Variants in LRRC2 observed in about 807,000 individuals in gnomAD.
LRRC2 encodes leucine rich repeat containing 2, also known as leucine-rich repeat-containing protein 2.
LRRC2 carries 27 observed loss-of-function variants against 40.2 expected under a neutral mutation model. The observed-to-expected ratio is 0.67, with a 90% CI of 0.49 to 0.93. The LOEUF (loss-of-function observed/expected upper bound fraction) is 0.93. LRRC2 is among the 40% of genes least tolerant of loss of function. The probability of loss-of-function intolerance (pLI) is 0.00; values close to 1 mark genes in which losing one functional copy is unlikely to be tolerated. For missense variants in LRRC2, 402 were observed against 439.6 expected (o/e 0.91, Z 0.76); for synonymous variants, 147 against 158.9 (o/e 0.92, Z 0.56).
Position 46,532,869 on chromosome 3 carries a change from G to C in LRRC2, c.531C>G (p.Asn177Lys). The C allele has an allele frequency of 6.2e-7, 1 of 1,613,978 alleles. No individual in the cohort carries two copies. The highest frequency in any genetic ancestry group is 8.5e-7 in the Non-Finnish European group (1 of 1,179,898). The part of the protein sequence containing the change: ...KNLKELNVGF[N>K]YLKSIPPELG... ...ATTCTGGAGGAATGCTCTTCAGATA[G>C]TTGAAACCCACATTGAGTTCTTTCA... The change falls in exon 5 of 9, where the codon AAC (asparagine) becomes AAG (lysine). Residue 177 changes from asparagine to lysine, a missense_variant. Coordinates refer to ENST00000395905, the MANE Select transcript of LRRC2 (RefSeq NM_024512.5).
chr3:46,529,078 C>G (rs1480454356), intron 6 of LRRC2, among the ~76,000 whole-genome samples: 1 of 151,598 alleles, frequency 6.6e-6, no homozygotes, highest in Non-Finnish European at 1.5e-5. Flanking sequence ...GACTGCACTA[C>G]TGCACTCCAG....
At chr3:46,536,770 C>T (rs148768422) in intron 4 of LRRC2, among the ~76,000 whole-genome samples, 1 of 152,288 alleles carries the variant, frequency 6.6e-6, no homozygotes, top group African/African-American at 2.4e-5. Flanking sequence ...TCAAATCAAA[C>T]TGGCTCACAA....
intron 1 of LRRC2, among the ~76,000 whole-genome samples, chr3:46,555,099 A>C (rs56394040): frequency 0.049 from 7,376 of 151,962 alleles, 272 homozygotes; most frequent in South Asian, 0.15. Context: ...TGGTCTTTTT[A>C]TTTATCGTTA....
At chr3:46,531,857 A>G (rs2106996051) in intron 5 of LRRC2, among the ~76,000 whole-genome samples, 1 of 152,252 alleles carries the variant, frequency 6.6e-6, no homozygotes, top group South Asian at 2.1e-4. Flanking sequence ...ACCAGCAATC[A>G]CCATTTTTAG....
At chr3:46,533,009 G>A in intron 4 of LRRC2, 100 bp from the exon 5 acceptor site, 1 of 1,217,466 alleles carries the variant, frequency 8.2e-7, no homozygotes, top group Non-Finnish European at 1.2e-6. Context: ...AAATAATGAT[G>A]GGGAAGGAAC....
intron 8 of LRRC2, among the ~76,000 whole-genome samples, chr3:46,519,430 A>G (rs775001321): frequency 2.2e-4 from 33 of 152,218 alleles, no homozygotes; most frequent in Non-Finnish European, 4.1e-4. Context: ...AGTAGGTGGC[A>G]GAGGGTACCG....
chr3:46,537,686 T>G (rs1474643442), intron 4 of LRRC2, among the ~76,000 whole-genome samples: 1 of 152,212 alleles, frequency 6.6e-6, no homozygotes, highest in Non-Finnish European at 1.5e-5. Context: ...CTTTCTACCT[T>G]TCCAGAAACT....
chr3:46,547,702 GTGTA>G (rs900847147), intron 2 of LRRC2, among the ~76,000 whole-genome samples: 11 of 14,352 alleles, frequency 7.7e-4, no homozygotes, highest in African/African-American at 2.3e-3. Flanking sequence ...ATATGTGTGT[GTGTA>G]TGTGTGTGTG....
intron 7 of LRRC2, among the ~76,000 whole-genome samples, chr3:46,522,015 A>G (rs1449582107): frequency 6.6e-6 from 1 of 152,192 alleles, no homozygotes; most frequent in East Asian, 1.9e-4. Flanking sequence ...AGGGACATCC[A>G]ACTTTAAAAT....
At chr3:46,521,791 C>T (rs1178816142) in intron 7 of LRRC2, 133 bp from the exon 8 acceptor site, 1 of 761,890 alleles carries the variant, frequency 1.3e-6, no homozygotes, top group East Asian at 2.6e-5. Context: ...CACATGATAT[C>T]AGCATCACCA....
Position 46,518,297 on chromosome 3 carries a change from CA to C in LRRC2, c.*716del, listed in dbSNP as rs1233658401. 1 of 151,974 alleles carries C rather than the reference CA, an allele frequency of 6.6e-6. No individual in the cohort carries two copies. The highest frequency in any genetic ancestry group is 1.5e-5 in the Non-Finnish European group (1 of 67,986). 9.4% of individuals were successfully genotyped at this position (151,974 alleles called of 1,614,324 possible). A position where few individuals can be genotyped will look rare whatever the true frequency, so the allele number is the denominator to read the frequency against. On this transcript the variant is annotated 3_prime_UTR_variant, in exon 9 of 9. Transcript: ENST00000395905. The stretch of plus-strand genomic sequence containing the variant: ...AGTAAAAGAAACTCTTTCAAAATAA[CA>C]AAACACTCTCATCTGATTAGTCCAA...
At chr3:46,533,775 TTTTC>T (rs530379114) in intron 4 of LRRC2, among the ~76,000 whole-genome samples, 1,198 of 92,974 alleles carry the variant, frequency 0.013, 9 homozygotes, top group Non-Finnish European at 0.022. Context: ...CCTCCCTCTC[TTTTC>T]TTTCTTTCTT....
chr3:46,534,960 T>C (rs1704244665), intron 4 of LRRC2, among the ~76,000 whole-genome samples: 1 of 152,242 alleles, frequency 6.6e-6, no homozygotes, highest in Non-Finnish European at 1.5e-5. Context: ...CATTTATCCC[T>C]AGTTTGTAAG....
At chr3:46,545,815 T>C (rs1016114885) in intron 2 of LRRC2, among the ~76,000 whole-genome samples, 22 of 152,342 alleles carry the variant, frequency 1.4e-4, no homozygotes, top group African/African-American at 5.3e-4. Context: ...TCCCCCAGCT[T>C]GATGCTAAGC....
At chr3:46,526,001 G>A (rs1704054898) in intron 7 of LRRC2, among the ~76,000 whole-genome samples, 1 of 151,264 alleles carries the variant, frequency 6.6e-6, no homozygotes, top group South Asian at 2.1e-4. Flanking sequence ...TCGCCAGGCT[G>A]TAGTGCAGTG....
At chr3:46,553,842 A>G (rs907235794) in intron 1 of LRRC2, among the ~76,000 whole-genome samples, 1 of 152,336 alleles carries the variant, frequency 6.6e-6, no homozygotes, top group East Asian at 1.9e-4. Flanking sequence ...GCTTGCCAAT[A>G]AGAATGGGAG....
chr3:46,528,410 C>T lies in LRRC2; in HGVS notation c.774-829G>A, dbSNP rs201111355. 3.9e-5 allele frequency among the ~76,000 whole-genome samples: 6 copies of T among 151,996 alleles called. No individual in the cohort carries two copies. The East Asian group carries it at 1.2e-3, about 29-fold the overall frequency. ...CCTCCCAAAGTGCTAGTATTACAGG[C>T]AAGAGCCACTGTGCCCAGCCTCCTC... On this transcript the variant is annotated intron_variant, in intron 6 of 8. Coordinates refer to ENST00000395905, the MANE Select transcript of LRRC2 (RefSeq NM_024512.5).
intron 5 of LRRC2, 145 bp downstream of exon 5, chr3:46,532,628 C>A: frequency 1.2e-6 from 1 of 864,274 alleles, no homozygotes; most frequent in African/African-American, 1.7e-5. Flanking sequence ...TTTTTAAAGA[C>A]CAGTATACGG....
At chr3:46,552,952 T>C (rs929182165) in intron 1 of LRRC2, among the ~76,000 whole-genome samples, 2 of 152,194 alleles carry the variant, frequency 1.3e-5, no homozygotes, top group African/African-American at 2.4e-5. Flanking sequence ...TGTCACCAAA[T>C]GAAACATGAG....
Sources: gnomAD v4.1 joint callset for allele counts (sites outside exome capture counted in the v4.1 genomes callset) on GRCh38, gnomAD v4.1.1 for gene constraint, MANE v1.5 for transcripts, NCBI Gene and HGNC (gene_info 2026-07-23, HGNC 2026-07-21) for gene names.